EGFR: variants seen among roughly 807,000 people sequenced by gnomAD.
EGFR encodes the protein avian erythroblastic leukemia viral (v-erb-b) oncogene homolog.
In EGFR, 58 loss-of-function variants were observed where a neutral mutation model predicts 143.0. The observed-to-expected ratio is 0.41, with a 90% CI of 0.33 to 0.50. The LOEUF (loss-of-function observed/expected upper bound fraction) is 0.50. EGFR is among the 20% of genes least tolerant of loss of function. The pLI, the probability that EGFR is intolerant of heterozygous loss-of-function variation, is 0.39. For synonymous variants in EGFR, 613 were observed against 594.4 expected (o/e 1.03, Z -0.45); for missense variants, 1,307 against 1,579.0 (o/e 0.83, Z 2.92).
chr7:55,193,622 T>C lies in EGFR; in HGVS notation c.2701+781T>C, dbSNP rs17337388. On this transcript the variant is annotated intron_variant, in intron 22 of 27. Transcript: ENST00000275493. ...CAACTTACTGAAAGGCTGGAACCCA[T>C]GAACCTACCCCTTCACTGAGGAAAA... Among the ~76,000 whole-genome samples, 4 of 152,182 alleles carry C rather than the reference T, an allele frequency of 2.6e-5. No individual in the cohort carries two copies. The East Asian group carries it at 7.7e-4, about 29-fold the overall frequency.
intron 1 of EGFR, among the ~76,000 whole-genome samples, chr7:55,090,782 G>C (rs1322473733): frequency 6.6e-6 from 1 of 152,126 alleles, no homozygotes; most frequent in Non-Finnish European, 1.5e-5. Context: ...TTCTTCTAAA[G>C]ACAATCATCT....
chr7:55,145,887 G>A (rs17336400), intron 3 of EGFR, among the ~76,000 whole-genome samples: 2 of 152,246 alleles, frequency 1.3e-5, no homozygotes, highest in South Asian at 4.1e-4. Flanking sequence ...ATTCATCCTC[G>A]CAGCGCCCAC....
chr7:55,165,567 TC>T, intron 15 of EGFR, 130 bp downstream of exon 15: 1 of 1,298,576 alleles, frequency 7.7e-7, no homozygotes. Context: ...GGTGTTTTGG[TC>T]CCCACAGCCA....
At chr7:55,028,146 T>C (rs1236479318) in intron 1 of EGFR, among the ~76,000 whole-genome samples, 1 of 151,898 alleles carries the variant, frequency 6.6e-6, no homozygotes, top group Non-Finnish European at 1.5e-5. Context: ...TACCACTACA[T>C]GCTTGCAGGC....
At chr7:55,046,753 T>G (rs896508328) in intron 1 of EGFR, among the ~76,000 whole-genome samples, 6 of 152,132 alleles carry the variant, frequency 3.9e-5, no homozygotes, top group African/African-American at 1.4e-4. Flanking sequence ...GTAAATAGAT[T>G]TGAGTTTATT....
intron 14 of EGFR, 34 bp from the exon 15 acceptor site, chr7:55,165,246 A>G (rs971652247): frequency 6.2e-7 from 1 of 1,613,586 alleles, no homozygotes; most frequent in African/African-American, 1.3e-5. Context: ...AAAGAAAGAG[A>G]CATGCATGAA....
intron 1 of EGFR, among the ~76,000 whole-genome samples, chr7:55,060,516 C>T (rs1157339699): frequency 1.3e-5 from 2 of 152,142 alleles, no homozygotes; most frequent in Non-Finnish European, 2.9e-5. Flanking sequence ...TTCCTAGCAT[C>T]TTTTCCTTCC....
At chr7:55,125,900 C>G (rs930556274) in intron 1 of EGFR, among the ~76,000 whole-genome samples, 1 of 152,188 alleles carries the variant, frequency 6.6e-6, no homozygotes. Flanking sequence ...CAGTGCCTTT[C>G]AAATGAAATC....
At position 55,200,297 on chromosome 7, in the gene EGFR, T is replaced by A. The variant is rs1787788695; in HGVS notation, c.2849-19T>A. On this transcript the variant is annotated intron_variant, in intron 23 of 27. Coordinates refer to ENST00000275493, the MANE Select transcript of EGFR (RefSeq NM_005228.5). ...TTCCAGTGTTCTAATTGCACTGTTT[T>A]TTCTCATTCCTTCCCCAGGCTGGAT... 6.2e-7 allele frequency: 1 copy of A among 1,611,830 alleles called. No homozygotes were observed. The highest frequency in any genetic ancestry group is 2.2e-5 in the East Asian group (1 of 44,860).
At chr7:55,056,723 G>A (rs1788846162) in intron 1 of EGFR, among the ~76,000 whole-genome samples, 1 of 152,260 alleles carries the variant, frequency 6.6e-6, no homozygotes, top group Admixed American at 6.5e-5. Flanking sequence ...TTGAGTGACT[G>A]ACGGAATGAA....
At chr7:55,026,602 C>T (rs908841123) in intron 1 of EGFR, among the ~76,000 whole-genome samples, 1 of 152,186 alleles carries the variant, frequency 6.6e-6, no homozygotes, top group African/African-American at 2.4e-5. Flanking sequence ...CGAGATAACC[C>T]CCCTCCAGCA....
chr7:55,204,340 A>T (rs758206145), intron 27 of EGFR, among the ~76,000 whole-genome samples: 6 of 148,668 alleles, frequency 4.0e-5, no homozygotes, highest in Non-Finnish European at 8.9e-5. Context: ...CCACATACAC[A>T]TATGTATGCA....
rs557734268 is a variant in EGFR at position 55,074,945 on chromosome 7, TA to T, written c.88+55581del. ...TATTTTAGAAATCTTTGGCAAAGGT[TA>T]CTATTAAAACAATCACATTCATGGA... On this transcript the variant is annotated intron_variant, in intron 1 of 27. Transcript: ENST00000275493. Among the ~76,000 whole-genome samples, 60 of 152,336 alleles carry T rather than the reference TA, an allele frequency of 3.9e-4. No individual in the cohort carries two copies. The East Asian group carries it at 0.01, about 25-fold the overall frequency.
chr7:55,169,840 A>G (rs544641239), intron 15 of EGFR, among the ~76,000 whole-genome samples: 2 of 152,282 alleles, frequency 1.3e-5, no homozygotes, highest in African/African-American at 2.4e-5. Context: ...AGCAATCCCT[A>G]TGGTTGCCCA....
At chr7:55,170,272 C>T (rs1562780993) in intron 15 of EGFR, 1 of 1,613,928 alleles carries the variant, frequency 6.2e-7, no homozygotes. Context: ...CCAGGCCTCT[C>T]ACATATTGAA....
Position 55,040,036 on chromosome 7 carries a change from T to C in EGFR, c.88+20671T>C, listed in dbSNP as rs189904035. 1.6e-3 allele frequency among the ~76,000 whole-genome samples: 248 copies of C among 152,336 alleles called. 1 individual carries two copies. The highest frequency in any genetic ancestry group is 2.6e-3 in the Non-Finnish European group (179 of 68,032). Reference sequence around the variant, plus strand: ...CTGATGGTGACGCAGAAATTCAGAATTCCCCGCATGTGTCCCGGTTTGAAA... The same window carrying C: ...CTGATGGTGACGCAGAAATTCAGAACTCCCCGCATGTGTCCCGGTTTGAAA... On this transcript the variant is annotated intron_variant, in intron 1 of 27. Coordinates refer to ENST00000275493, the MANE Select transcript of EGFR (RefSeq NM_005228.5).
intron 1 of EGFR, among the ~76,000 whole-genome samples, chr7:55,129,108 A>C (rs1383716837): frequency 6.6e-6 from 1 of 152,268 alleles, no homozygotes; most frequent in African/African-American, 2.4e-5. Context: ...AAAGGACAAA[A>C]TGTGCTGTGA....
chr7:55,030,905 G>C (rs985432823), intron 1 of EGFR, among the ~76,000 whole-genome samples: 3 of 152,252 alleles, frequency 2.0e-5, no homozygotes, highest in African/African-American at 7.2e-5. Flanking sequence ...TGAAGGAATG[G>C]AATGGAGAGT....
intron 1 of EGFR, among the ~76,000 whole-genome samples, chr7:55,031,162 T>C (rs1166642497): frequency 2.0e-5 from 3 of 152,238 alleles, no homozygotes; most frequent in African/African-American, 7.2e-5. Flanking sequence ...AGTTGTTATC[T>C]AGGTGCTGCA....
Sources: allele counts gnomAD v4.1 joint callset (sites outside exome capture counted in the v4.1 genomes callset), GRCh38; gene constraint gnomAD v4.1.1; transcripts MANE v1.5; gene names NCBI Gene and HGNC (gene_info 2026-07-23, HGNC 2026-07-21).